KIFAP3: variants seen among roughly 807,000 people sequenced by gnomAD.
KIFAP3 encodes the protein kinesin associated protein 3.
In KIFAP3, 68 loss-of-function variants were observed where a neutral mutation model predicts 106.5. That is an observed-to-expected ratio of 0.64 (90% CI 0.53 to 0.78). The LOEUF (loss-of-function observed/expected upper bound fraction) is 0.78, where lower values mean the gene tolerates loss of function less well. KIFAP3 is among the 30% of genes least tolerant of loss of function. The pLI, the probability that KIFAP3 is intolerant of heterozygous loss-of-function variation, is 0.00. For synonymous variants in KIFAP3, 320 were observed against 311.5 expected, an observed-to-expected ratio of 1.03 and a Z score of -0.29; for missense variants, 780 against 941.8, an observed-to-expected ratio of 0.83 and a Z score of 2.25.
intron 19 of KIFAP3, among the ~76,000 whole-genome samples, chr1:169,944,255 T>C (rs1664302579): frequency 6.6e-6 from 1 of 152,208 alleles, no homozygotes; most frequent in East Asian, 1.9e-4. Context: ...CTGGCTACTA[T>C]GGCAGGGTGG....
Position 170,069,494 on chromosome 1 carries a change from G to A in KIFAP3, c.32+4942C>T, listed in dbSNP as rs1671598052. Among the ~76,000 whole-genome samples the A allele has an allele frequency of 3.9e-5, 6 of 152,006 alleles. No individual in the cohort carries two copies. In the South Asian group the frequency reaches 1.2e-3, roughly 31 times the overall value. ...AACAGAATACAGGAGTATATTAAAA[G>A]GACCACGCAACATGGCCACATGGGC... is the stretch of plus-strand genomic sequence containing the variant. On this transcript the variant is annotated intron_variant, in intron 1 of 19. Coordinates refer to ENST00000361580, the MANE Select transcript of KIFAP3 (RefSeq NM_014970.4).
intron 3 of KIFAP3, among the ~76,000 whole-genome samples, chr1:170,044,299 C>T (rs953151040): frequency 1.3e-5 from 2 of 152,152 alleles, no homozygotes; most frequent in Non-Finnish European, 2.9e-5. Flanking sequence ...GCCCTTCAAG[C>T]TATAATTAAC....
upstream of KIFAP3, among the ~76,000 whole-genome samples, chr1:170,075,674 A>C (rs1360335690): frequency 6.6e-6 from 1 of 152,198 alleles, no homozygotes; most frequent in African/African-American, 2.4e-5. Flanking sequence ...CATTCACACC[A>C]GCTACACTAT....
chr1:170,057,411 T>G (rs1670906576), intron 1 of KIFAP3, among the ~76,000 whole-genome samples: 1 of 152,094 alleles, frequency 6.6e-6, no homozygotes, highest in African/African-American at 2.4e-5. Context: ...GAGGAGTAAG[T>G]TAATTACAAT....
chr1:169,961,554 T>C (rs1260244137), intron 17 of KIFAP3, among the ~76,000 whole-genome samples: 3 of 152,146 alleles, frequency 2.0e-5, no homozygotes, highest in Non-Finnish European at 4.4e-5. Flanking sequence ...CAAAGAGTTC[T>C]TGTGACTATA....
intron 1 of KIFAP3, among the ~76,000 whole-genome samples, chr1:170,072,683 T>C (rs1004119626): frequency 2.6e-5 from 4 of 152,092 alleles, no homozygotes; most frequent in African/African-American, 9.7e-5. Flanking sequence ...AAACAAAATA[T>C]AAAAGTAAAA....
chr1:170,073,306 T>TACATAA (rs1212202365), intron 1 of KIFAP3, among the ~76,000 whole-genome samples: 53 of 152,342 alleles, frequency 3.5e-4, no homozygotes, highest in African/African-American at 1.3e-3. Context: ...CAGATATATT[T>TACATAA]ACATAAAATA....
At chr1:170,009,701 A>C (rs1160850781) in intron 10 of KIFAP3, among the ~76,000 whole-genome samples, 1 of 152,138 alleles carries the variant, frequency 6.6e-6, no homozygotes, top group Non-Finnish European at 1.5e-5. Flanking sequence ...CTATCAGTAC[A>C]TATTCTAGGG....
chr1:169,953,475 A>G (rs889438104), intron 19 of KIFAP3, among the ~76,000 whole-genome samples: 1 of 152,030 alleles, frequency 6.6e-6, no homozygotes, highest in Non-Finnish European at 1.5e-5. Flanking sequence ...CAGACAATCT[A>G]TATTTTCCAA....
At chr1:170,065,198 G>A in intron 1 of KIFAP3, among the ~76,000 whole-genome samples, 1 of 151,966 alleles carries the variant, frequency 6.6e-6, no homozygotes, top group Non-Finnish European at 1.5e-5. Context: ...GGTCATTTTA[G>A]CATTCTTATG....
chr1:169,997,524 T>G (rs1033224568), intron 10 of KIFAP3, among the ~76,000 whole-genome samples: 16 of 152,090 alleles, frequency 1.1e-4, no homozygotes, highest in African/African-American at 3.9e-4. Context: ...AGAGGTATAC[T>G]CTGAGCCTAT....
At chr1:170,058,333 C>T (rs116513681) in intron 1 of KIFAP3, among the ~76,000 whole-genome samples, 30 of 152,242 alleles carry the variant, frequency 2.0e-4, no homozygotes, top group South Asian at 4.1e-4. Context: ...TGTAGATTTA[C>T]GCCATAGAGC....
chr1:170,033,126 G>C (rs2102047362), intron 7 of KIFAP3, among the ~76,000 whole-genome samples: 1 of 151,804 alleles, frequency 6.6e-6, no homozygotes, highest in East Asian at 1.9e-4. Flanking sequence ...ATGTAGTTGA[G>C]TCACTATCAA....
intron 19 of KIFAP3, among the ~76,000 whole-genome samples, chr1:169,948,267 A>G (rs898937011): frequency 4.0e-5 from 6 of 151,824 alleles, no homozygotes; most frequent in African/African-American, 1.2e-4. Context: ...TTATTTGGCA[A>G]TTGATAGGTG....
Position 169,996,349 on chromosome 1 carries a change from A to C in KIFAP3, c.1184-4094T>G, listed in dbSNP as rs117330060. ...AAGTTTGCTAAAAACTAAAGGACTG[A>C]AGTTAAGAGAAGCTCTAGGGACACA... On this transcript the variant is annotated intron_variant, in intron 10 of 19. Coordinates refer to ENST00000361580, the MANE Select transcript of KIFAP3 (RefSeq NM_014970.4). Among the ~76,000 whole-genome samples, 457 of 152,304 alleles carry C rather than the reference A, an allele frequency of 3.0e-3. 16 individuals are homozygous for C. The South Asian group carries it at 0.057, about 19-fold the overall frequency.
chr1:170,028,360 A>G (rs1669228758), intron 8 of KIFAP3, among the ~76,000 whole-genome samples: 1 of 152,234 alleles, frequency 6.6e-6, no homozygotes, highest in Admixed American at 6.5e-5. Context: ...TTTTTCTGAG[A>G]CGGAGTCTCG....
At chr1:170,077,066 AC>A (rs1286809720), upstream of KIFAP3, among the ~76,000 whole-genome samples, 2 of 152,156 alleles carry the variant, frequency 1.3e-5, no homozygotes, top group East Asian at 3.9e-4. Context: ...AGCACTCTGT[AC>A]AAACGCACCA....
intron 1 of KIFAP3, among the ~76,000 whole-genome samples, chr1:170,063,537 A>G: frequency 6.6e-6 from 1 of 152,196 alleles, no homozygotes; most frequent in South Asian, 2.1e-4. Context: ...GGCTTGTATG[A>G]GTAACACTCC....
intron 11 of KIFAP3, among the ~76,000 whole-genome samples, chr1:169,989,172 A>G (rs1244732005): frequency 6.6e-6 from 1 of 152,028 alleles, no homozygotes; most frequent in Non-Finnish European, 1.5e-5. Flanking sequence ...TAATAACAGT[A>G]TCTAAAAAGT....
Sources: gnomAD v4.1 joint callset for allele counts (sites outside exome capture counted in the v4.1 genomes callset) on GRCh38, gnomAD v4.1.1 for gene constraint, MANE v1.5 for transcripts, NCBI Gene and HGNC (gene_info 2026-07-23, HGNC 2026-07-21) for gene names.